Variants in MTAP observed in about 807,000 individuals in gnomAD.
MTAP encodes the protein S-methyl-5'-thioadenosine phosphorylase.
In MTAP, 33 loss-of-function variants were observed where a neutral mutation model predicts 33.6. That is an observed-to-expected ratio of 0.98 (90% confidence interval 0.74 to 1.31). The LOEUF (loss-of-function observed/expected upper bound fraction) is 1.31, where lower values mean the gene tolerates loss of function less well. Ranked by LOEUF, MTAP falls within the 40% of genes most tolerant of loss-of-function variation. MTAP has a pLI of 0.00. For synonymous variants in MTAP, 148 were observed against 125.7 expected, an observed-to-expected ratio of 1.18 and a Z score of -1.19; for missense variants, 367 against 360.0, an observed-to-expected ratio of 1.02 and a Z score of -0.16.
intron 4 of MTAP, among the ~76,000 whole-genome samples, chr9:21,825,486 C>G (rs533178211): frequency 6.6e-6 from 1 of 152,200 alleles, no homozygotes; most frequent in East Asian, 1.9e-4. Context: ...CAGCAGTATA[C>G]AAGGGTTCTG....
downstream of MTAP, among the ~76,000 whole-genome samples, chr9:21,869,005 C>T (rs112393011): frequency 1.8e-3 from 279 of 152,230 alleles, 1 homozygote; most frequent in African/African-American, 6.3e-3. Flanking sequence ...GTCTTATGCA[C>T]CAGACCCCAT....
intron 1 of MTAP, among the ~76,000 whole-genome samples, chr9:21,815,147 G>A (rs1034798966): frequency 6.6e-6 from 1 of 152,156 alleles, no homozygotes; most frequent in Non-Finnish European, 1.5e-5. Context: ...ACCTCTCTAT[G>A]CTGACTTGTA....
chr9:21,924,333 C>T (rs1287675621), intron 1 of MTAP, among the ~76,000 whole-genome samples: 1 of 152,136 alleles, frequency 6.6e-6, no homozygotes, highest in South Asian at 2.1e-4. Context: ...AAAGTTTGAC[C>T]CCAAAACCCT....
intron 5 of MTAP, among the ~76,000 whole-genome samples, chr9:21,848,623 G>A (rs962901651): frequency 1.3e-5 from 2 of 152,168 alleles, no homozygotes; most frequent in Non-Finnish European, 2.9e-5. Flanking sequence ...TCAGATGGTG[G>A]AGTAGATTAG....
chr9:21,859,947 C>T (rs1034091969), intron 7 of MTAP: 2 of 152,200 alleles, frequency 1.3e-5, no homozygotes, highest in East Asian at 1.9e-4. Context: ...CTGATAAACT[C>T]GGAGTTGCAT....
intron 5 of MTAP, among the ~76,000 whole-genome samples, chr9:21,838,668 C>G (rs1462183036): frequency 6.6e-6 from 1 of 152,236 alleles, no homozygotes; most frequent in African/African-American, 2.4e-5. Flanking sequence ...ACTATGGGGA[C>G]AGCCCCACAA....
chr9:21,869,038 C>G (rs1825896611), downstream of MTAP, among the ~76,000 whole-genome samples: 2 of 152,174 alleles, frequency 1.3e-5, no homozygotes, highest in Non-Finnish European at 2.9e-5. Flanking sequence ...GTAAGGACAT[C>G]AGTCTAGTAA....
chr9:21,876,263 T>C (rs1365160301), intron 1 of MTAP, among the ~76,000 whole-genome samples: 1 of 152,186 alleles, frequency 6.6e-6, no homozygotes, highest in Non-Finnish European at 1.5e-5. Context: ...AGATGCTGTA[T>C]ATTAGATGTT....
intron 1 of MTAP, among the ~76,000 whole-genome samples, chr9:21,926,269 T>C (rs1818867821): frequency 6.6e-6 from 1 of 152,136 alleles, no homozygotes; most frequent in Admixed American, 6.6e-5. Flanking sequence ...CATCCCCTAA[T>C]TGAAAAATGT....
intron 7 of MTAP, 64 bp from the exon 8 acceptor site, chr9:21,861,912 T>C (rs1825762738): frequency 2.1e-6 from 2 of 970,626 alleles, no homozygotes; most frequent in Non-Finnish European, 3.3e-6. Context: ...TGTTTTTTTT[T>C]TTAACAAACA....
rs187754488 is a variant in MTAP, at chr9:21,820,598, G to C, written c.347+2396G>C. ...GAGATGCCTCCAGCTTTGTTCTTTT[G>C]GCTTAGGATTGTCTTGGCAATGTTC... On this transcript the variant is annotated intron_variant, in intron 4 of 7. Transcript: ENST00000644715. Among the ~76,000 whole-genome samples the C allele has an allele frequency of 1.2e-3, 176 of 152,220 alleles. 1 individual carries two copies. Among genetic ancestry groups the C allele is most frequent in the African/African-American group, 4.2e-3 (173 of 41,550 alleles).
At chr9:21,902,422 C>T (rs1222463091) in intron 1 of MTAP, among the ~76,000 whole-genome samples, 2 of 152,216 alleles carry the variant, frequency 1.3e-5, no homozygotes, top group African/African-American at 4.8e-5. Flanking sequence ...GGATCATCCA[C>T]ACTTAGCACA....
intron 4 of MTAP, among the ~76,000 whole-genome samples, chr9:21,826,950 A>T (rs1161724689): frequency 6.6e-6 from 1 of 152,006 alleles, no homozygotes; most frequent in Admixed American, 6.6e-5. Context: ...CGTGGAAGGG[A>T]TCTGTGTTGT....
At chr9:21,930,557 G>T in intron 1 of MTAP, 1 of 308,836 alleles carries the variant, frequency 3.2e-6, no homozygotes, top group Non-Finnish European at 5.9e-6. Flanking sequence ...AGCTGGTATG[G>T]GAACCTAAAC....
chr9:21,895,196 A>G (rs1213507765), intron 1 of MTAP, among the ~76,000 whole-genome samples: 5 of 152,348 alleles, frequency 3.3e-5, no homozygotes, highest in East Asian at 1.9e-4. Context: ...CATACAGAAC[A>G]TGAAAAAGCC....
chr9:21,859,385 T>C lies in MTAP; in HGVS notation c.773T>C (p.Ile258Thr), dbSNP rs1365494940. 6.2e-7 allele frequency: 1 copy of C among 1,613,598 alleles called. No individual in the cohort carries two copies. Among genetic ancestry groups the C allele is most frequent in the East Asian group, 2.2e-5 (1 of 44,844 alleles). Reference sequence around the variant, plus strand: ...TTACTGCTCACTACCATACCTCAGATAGGGTCCACAGAATGGTCAGAAACC... The same window carrying C: ...TTACTGCTCACTACCATACCTCAGACAGGGTCCACAGAATGGTCAGAAACC... ...KSLLLTTIPQ[I>T]GSTEWSETLH... The change falls in exon 7 of 8, where the codon ATA becomes ACA. Residue 258 changes from isoleucine (I) to threonine (T), a missense_variant. Transcript: ENST00000644715.
At chr9:21,840,341 G>C (rs1321024961) in intron 5 of MTAP, among the ~76,000 whole-genome samples, 1 of 152,184 alleles carries the variant, frequency 6.6e-6, no homozygotes, top group Admixed American at 6.5e-5. Context: ...GAACTTACCG[G>C]GAAAACCAAA....
chr9:21,881,558 T>C (rs376007846), intron 1 of MTAP, among the ~76,000 whole-genome samples: 201 of 152,060 alleles, frequency 1.3e-3, no homozygotes, highest in Non-Finnish European at 2.4e-3. Flanking sequence ...ATAATCCAAT[T>C]AAAAAGTGGG....
chr9:21,859,220 C>T, intron 6 of MTAP, 83 bp from the exon 7 acceptor site: 1 of 1,524,886 alleles, frequency 6.6e-7, no homozygotes, highest in South Asian at 1.3e-5. Context: ...TAGGCTGTAG[C>T]AAGGCTGGAG....
Sources: allele counts gnomAD v4.1 joint callset (sites outside exome capture counted in the v4.1 genomes callset), GRCh38; gene constraint gnomAD v4.1.1; transcripts MANE v1.5; gene names NCBI Gene and HGNC (gene_info 2026-07-23, HGNC 2026-07-21).